Variants in MBD5 observed in about 807,000 individuals in gnomAD.
The protein encoded by MBD5 is methyl-CpG binding domain protein 5, also known as methyl-CpG-binding domain protein 5.
In MBD5, 13 loss-of-function variants were observed where a neutral mutation model predicts 117.3. That is an observed-to-expected ratio of 0.11 (90% CI 0.07 to 0.18). The LOEUF is 0.18. MBD5 is among the 10% of genes least tolerant of loss of function. The pLI, the probability that MBD5 is intolerant of heterozygous loss-of-function variation, is 1.00. For synonymous variants in MBD5, 727 were observed against 766.4 expected (o/e 0.95, Z 0.85); for missense variants, 1,879 against 2,093.8 (o/e 0.90, Z 2.00).
At chr2:148,326,189 C>T (rs901538044) in intron 3 of MBD5, among the ~76,000 whole-genome samples, 57 of 152,194 alleles carry the variant, frequency 3.7e-4, no homozygotes, top group Middle Eastern at 3.4e-3. Context: ...GATTGCACTA[C>T]GGTCTGAGAT....
At chr2:148,318,128 A>G (rs1420429317) in intron 3 of MBD5, among the ~76,000 whole-genome samples, 1 of 151,762 alleles carries the variant, frequency 6.6e-6, no homozygotes, top group Non-Finnish European at 1.5e-5. Flanking sequence ...TTGTTTTTTC[A>G]CTTTTTAGTA....
At chr2:148,398,088 A>G (rs1704792362) in intron 4 of MBD5, among the ~76,000 whole-genome samples, 1 of 152,216 alleles carries the variant, frequency 6.6e-6, no homozygotes, top group South Asian at 2.1e-4. Flanking sequence ...AGTCTTTGCT[A>G]TTGTGAATAG....
intron 1 of MBD5, among the ~76,000 whole-genome samples, chr2:148,099,781 C>G (rs1696158824): frequency 6.6e-6 from 1 of 152,146 alleles, no homozygotes. Context: ...CAGTTCTAAC[C>G]TACTGAATTT....
intron 12 of MBD5, among the ~76,000 whole-genome samples, chr2:148,504,765 G>A (rs907517239): frequency 2.0e-5 from 3 of 152,154 alleles, no homozygotes; most frequent in Admixed American, 6.5e-5. Flanking sequence ...AAACAAAGAC[G>A]AAGATGGGGT....
At chr2:148,263,811 A>AT (rs1280780027) in intron 3 of MBD5, among the ~76,000 whole-genome samples, 2 of 152,150 alleles carry the variant, frequency 1.3e-5, no homozygotes, top group African/African-American at 4.8e-5. Flanking sequence ...GTTGTTTTTC[A>AT]TTTTTCAATG....
At chr2:148,471,070 A>T (rs1163004496) in intron 8 of MBD5, 1 of 152,080 alleles carries the variant, frequency 6.6e-6, no homozygotes, top group Non-Finnish European at 1.5e-5. Flanking sequence ...TTAAAAAAAA[A>T]GCTAATAATT....
At chr2:148,338,149 T>G (rs1178739317) in intron 3 of MBD5, among the ~76,000 whole-genome samples, 1 of 152,194 alleles carries the variant, frequency 6.6e-6, no homozygotes, top group Non-Finnish European at 1.5e-5. Context: ...TATAAATGTA[T>G]GAGTGAATAA....
chr2:148,341,815 A>G (rs1180230620), intron 3 of MBD5, among the ~76,000 whole-genome samples: 1 of 146,232 alleles, frequency 6.8e-6, no homozygotes, highest in African/African-American at 2.5e-5. Context: ...TTCCCGCAGT[A>G]CCTGGCACAG....
Position 148,500,334 on chromosome 2 carries a change from A to G in MBD5, c.4963-2102A>G, listed in dbSNP as rs1424926234. Among the ~76,000 whole-genome samples the G allele has an allele frequency of 2.0e-5, 3 of 152,108 alleles. No individual in the cohort carries two copies. The East Asian group carries it at 5.8e-4, about 29-fold the overall frequency. On this transcript the variant is annotated intron_variant, in intron 11 of 13. Coordinates refer to ENST00000642680, the MANE Select transcript of MBD5 (RefSeq NM_001378120.1). ...ATATATATAAAATGACTACATTTCA[A>G]TGTATATTGGAGTTGGTATGGTGGA...
chr2:148,355,521 C>T (rs1172681490), intron 4 of MBD5, among the ~76,000 whole-genome samples: 1 of 152,002 alleles, frequency 6.6e-6, no homozygotes, highest in Non-Finnish European at 1.5e-5. Flanking sequence ...TTCCCAACAG[C>T]ATTATTAAAT....
chr2:148,178,592 T>C, intron 1 of MBD5, 108 bp from the exon 2 acceptor site: 1 of 385,498 alleles, frequency 2.6e-6, no homozygotes, highest in Non-Finnish European at 4.6e-6. Flanking sequence ...TTGCCCAGGC[T>C]TATTATATAA....
intron 4 of MBD5, among the ~76,000 whole-genome samples, chr2:148,417,379 T>C (rs373759366): frequency 6.7e-6 from 1 of 149,644 alleles, no homozygotes; most frequent in African/African-American, 2.5e-5. Flanking sequence ...GCTCAAGTGA[T>C]CTCCCATCCT....
intron 1 of MBD5, chr2:148,056,143 A>G (rs989967290): frequency 3.9e-5 from 6 of 151,978 alleles, no homozygotes; most frequent in Non-Finnish European, 5.9e-5. Context: ...TTCATTTTCT[A>G]CCTCTTGCTT....
At chr2:148,071,629 A>C (rs932594033) in intron 1 of MBD5, 3 of 152,216 alleles carry the variant, frequency 2.0e-5, no homozygotes, top group Non-Finnish European at 4.4e-5. Context: ...CCTGTTGTAG[A>C]ATCCAGATCA....
rs1339296604 is a variant in MBD5, at chr2:148,176,037, CTATT to C, written c.-924-2661_-924-2658del. 4.6e-5 allele frequency among the ~76,000 whole-genome samples: 7 copies of C among 151,980 alleles called. No individual in the cohort carries two copies. The South Asian group carries it at 6.2e-4, about 14-fold the overall frequency. ...TGATTGAATTCTTTTGTGATGTAGA[CTATT>C]TGTGATTTACAGAGCTATTGGTTCT... On this transcript the variant is annotated intron_variant, in intron 1 of 13. Coordinates refer to ENST00000642680, the MANE Select transcript of MBD5 (RefSeq NM_001378120.1).
At chr2:148,228,423 T>G (rs542107569) in intron 2 of MBD5, among the ~76,000 whole-genome samples, 1 of 152,298 alleles carries the variant, frequency 6.6e-6, no homozygotes, top group East Asian at 1.9e-4. Flanking sequence ...TTATTGATTT[T>G]CGTATGATGA....
At chr2:148,291,782 A>G (rs2106430165) in intron 3 of MBD5, among the ~76,000 whole-genome samples, 2 of 152,346 alleles carry the variant, frequency 1.3e-5, no homozygotes, top group Middle Eastern at 6.8e-3. Flanking sequence ...CAAAAGAACA[A>G]AACTGGAGGA....
intron 1 of MBD5, among the ~76,000 whole-genome samples, chr2:148,053,054 A>G (rs1010225840): frequency 1.3e-5 from 2 of 151,588 alleles, no homozygotes; most frequent in African/African-American, 4.8e-5. Context: ...GGATTGTTCA[A>G]GCCTTCTTTT....
intron 8 of MBD5, among the ~76,000 whole-genome samples, chr2:148,477,477 A>G (rs1046333420): frequency 6.6e-6 from 1 of 152,160 alleles, no homozygotes; most frequent in African/African-American, 2.4e-5. Context: ...GAGCACAAAG[A>G]TAGAGATTTG....
Sources: gnomAD v4.1 joint callset for allele counts (sites outside exome capture counted in the v4.1 genomes callset) on GRCh38, gnomAD v4.1.1 for gene constraint, MANE v1.5 for transcripts, NCBI Gene and HGNC (gene_info 2026-07-23, HGNC 2026-07-21) for gene names.